The following PCTP variants were observed in gnomAD, a reference collection of about 807,000 sequenced individuals.
PCTP encodes the protein phosphatidylcholine transfer protein.
PCTP carries 27 observed loss-of-function variants against 31.0 expected under a neutral mutation model. The observed-to-expected ratio is 0.87, with a 90% CI of 0.64 to 1.20. The LOEUF (loss-of-function observed/expected upper bound fraction) is 1.20. PCTP is among the 50% of genes most tolerant of loss of function. The probability of loss-of-function intolerance (pLI) is 0.00; values close to 1 mark genes in which losing one functional copy is unlikely to be tolerated. For synonymous variants in PCTP, 108 were observed against 101.2 expected (o/e 1.07, Z -0.40); for missense variants, 287 against 268.2 (o/e 1.07, Z -0.49).
intron 5 of PCTP, among the ~76,000 whole-genome samples, chr17:55,839,941 A>C (rs867219981): frequency 1.7e-4 from 25 of 150,492 alleles, no homozygotes; most frequent in Non-Finnish European, 7.4e-5. Flanking sequence ...AAAAAAAAAA[A>C]AAAAAACAAC....
At chr17:55,845,592 T>G (rs1450896574), downstream of PCTP, among the ~76,000 whole-genome samples, 2 of 152,156 alleles carry the variant, frequency 1.3e-5, no homozygotes, top group Admixed American at 1.3e-4. Context: ...ATATTTGGGA[T>G]TTTGGGTTTC....
At chr17:55,787,931 A>T (rs902390485) in intron 3 of PCTP, among the ~76,000 whole-genome samples, 8 of 152,156 alleles carry the variant, frequency 5.3e-5, no homozygotes, top group Non-Finnish European at 1.0e-4. Flanking sequence ...GCACTGTCAT[A>T]TAATATGGCC....
intron 3 of PCTP, among the ~76,000 whole-genome samples, chr17:55,813,041 C>G (rs558181034): frequency 6.6e-6 from 1 of 152,206 alleles, no homozygotes; most frequent in Non-Finnish European, 1.5e-5. Context: ...AACTCAGTTC[C>G]TCACTTCTTG....
chr17:55,778,422 A>C (rs1257237868), downstream of PCTP, among the ~76,000 whole-genome samples: 1 of 152,172 alleles, frequency 6.6e-6, no homozygotes, highest in Non-Finnish European at 1.5e-5. Flanking sequence ...AGAAGCAGTT[A>C]TATCACTTTG....
At position 55,771,166 on chromosome 17, in the gene PCTP, T is replaced by C. The variant is rs1910980595; in HGVS notation, c.320T>C (p.Phe107Ser). Residue 107 changes from phenylalanine (F) to serine (S), a missense_variant, in exon 3 of 6, where the codon TTT becomes TCT. Coordinates refer to ENST00000268896, the MANE Select transcript of PCTP (RefSeq NM_021213.4). Reference protein sequence around the residue: ...TVVYWEVKYPFPMSNRDYVYL... With the variant: ...TVVYWEVKYPSPMSNRDYVYL... Reference sequence around the variant, plus strand: ...GTCTACTGGGAAGTGAAGTACCCTTTTCCCATGTCCAACAGAGACGTATCC... The same window carrying C: ...GTCTACTGGGAAGTGAAGTACCCTTCTCCCATGTCCAACAGAGACGTATCC... 1 of 1,611,120 alleles carries C rather than the reference T, an allele frequency of 6.2e-7. No individual in the cohort carries two copies. Among genetic ancestry groups the C allele is most frequent in the South Asian group, 1.1e-5 (1 of 91,016 alleles).
chr17:55,831,345 T>G (rs377606890), intron 5 of PCTP, among the ~76,000 whole-genome samples: 26 of 152,234 alleles, frequency 1.7e-4, no homozygotes, highest in African/African-American at 6.3e-4. Context: ...TCCTTAAAAG[T>G]GAAGCAAAGG....
intron 3 of PCTP, among the ~76,000 whole-genome samples, chr17:55,811,363 C>G (rs1912745424): frequency 6.6e-6 from 1 of 152,188 alleles, no homozygotes; most frequent in African/African-American, 2.4e-5. Context: ...CACATATTAT[C>G]TCATTTAATC....
chr17:55,776,188 CCACCTGGAAGTGT>C lies in PCTP; in HGVS notation c.*90_*102del. ...TCTCTGGAAGTGCCACCTGGAAGTG[CCACCTGGAAGTGT>C]CTCTGGAAGAGCACCCACCACTGTT... is the stretch of plus-strand genomic sequence containing the variant. On this transcript the variant is annotated 3_prime_UTR_variant, in exon 6 of 6. Coordinates refer to ENST00000268896, the MANE Select transcript of PCTP (RefSeq NM_021213.4). 1 of 1,557,276 alleles carries C rather than the reference CCACCTGGAAGTGT, an allele frequency of 6.4e-7. No individual in the cohort carries two copies. Among genetic ancestry groups the C allele is most frequent in the Non-Finnish European group, 8.7e-7 (1 of 1,151,004 alleles).
chr17:55,814,395 C>T (rs993236957), intron 3 of PCTP, among the ~76,000 whole-genome samples: 3 of 152,194 alleles, frequency 2.0e-5, no homozygotes, highest in Non-Finnish European at 2.9e-5. Context: ...TGAAAAAATG[C>T]ACTAACCAGC....
At chr17:55,751,711 C>G (rs937853166) in intron 1 of PCTP, among the ~76,000 whole-genome samples, 17 of 152,082 alleles carry the variant, frequency 1.1e-4, no homozygotes, top group Non-Finnish European at 2.4e-4. Context: ...CAGGGGTTGC[C>G]GAGAAGGGCC....
intron 3 of PCTP, among the ~76,000 whole-genome samples, chr17:55,804,487 G>T (rs191598683): frequency 6.6e-6 from 1 of 152,144 alleles, no homozygotes. Flanking sequence ...ATGATAGACT[G>T]GATAAAGAAA....
intron 1 of PCTP, among the ~76,000 whole-genome samples, chr17:55,758,564 A>C (rs1910170322): frequency 6.6e-6 from 1 of 152,146 alleles, no homozygotes; most frequent in Non-Finnish European, 1.5e-5. Flanking sequence ...CCTTTCTGTC[A>C]TCCTTCTGAT....
intron 2 of PCTP, chr17:55,769,708 C>A (rs1443463521): frequency 6.6e-6 from 1 of 152,168 alleles, no homozygotes; most frequent in Non-Finnish European, 1.5e-5. Context: ...TCTCAACTTG[C>A]TAGAGTGACT....
chr17:55,774,655 A>G (rs1164201946), intron 4 of PCTP, 137 bp from the exon 5 acceptor site: 2 of 671,948 alleles, frequency 3.0e-6, no homozygotes, highest in East Asian at 5.6e-5. Context: ...AATGGAGAGA[A>G]GTCCATCTGA....
chr17:55,828,248 A>G (rs1465844031), intron 5 of PCTP, among the ~76,000 whole-genome samples: 1 of 152,190 alleles, frequency 6.6e-6, no homozygotes, highest in East Asian at 1.9e-4. Context: ...AGTACTACAA[A>G]TTGGGTGGCT....
the PCTP span, among the ~76,000 whole-genome samples, chr17:55,848,167 C>T: frequency 6.6e-6 from 1 of 152,152 alleles, no homozygotes; most frequent in Non-Finnish European, 1.5e-5. Flanking sequence ...TCCTCAGCCT[C>T]CCCAGTTGCT....
intron 3 of PCTP, chr17:55,822,755 C>A: frequency 8.1e-7 from 1 of 1,230,832 alleles, no homozygotes; most frequent in Non-Finnish European, 1.0e-6. Flanking sequence ...CCATTTGATT[C>A]TTTAGAATCA....
chr17:55,811,270 T>C (rs1206523605), intron 3 of PCTP, among the ~76,000 whole-genome samples: 3 of 152,134 alleles, frequency 2.0e-5, no homozygotes, highest in Non-Finnish European at 1.5e-5. Context: ...CTTTCGAAAA[T>C]CCTAAAGGCC....
chr17:55,805,404 T>G (rs1912542755), intron 3 of PCTP, among the ~76,000 whole-genome samples: 1 of 152,182 alleles, frequency 6.6e-6, no homozygotes, highest in East Asian at 1.9e-4. Flanking sequence ...TTTTTCCATC[T>G]TTATGTCCAT....
Sources: allele counts gnomAD v4.1 joint callset (sites outside exome capture counted in the v4.1 genomes callset), GRCh38; gene constraint gnomAD v4.1.1; transcripts MANE v1.5; gene names NCBI Gene and HGNC (gene_info 2026-07-23, HGNC 2026-07-21).